Variants in CNTLN observed in about 807,000 individuals in gnomAD.
CNTLN encodes centlein, centrosomal protein.
A neutral mutation model predicts 180.0 loss-of-function variants in CNTLN; 212 were observed. The ratio of observed to expected loss-of-function variants is 1.18; its 90% CI spans 1.05 to 1.32. The LOEUF (loss-of-function observed/expected upper bound fraction) is 1.32. CNTLN is among the 40% of genes most tolerant of loss of function. The pLI, the probability that CNTLN is intolerant of heterozygous loss-of-function variation, is 0.00. For missense variants in CNTLN, 2,095 were observed against 1,610.9 expected, an observed-to-expected ratio of 1.30 and a Z score of -5.14; for synonymous variants, 722 against 563.1, an observed-to-expected ratio of 1.28 and a Z score of -3.99.
intron 18 of CNTLN, among the ~76,000 whole-genome samples, chr9:17,430,729 A>C (rs1829367935): frequency 6.6e-6 from 1 of 152,118 alleles, no homozygotes; most frequent in African/African-American, 2.4e-5. Flanking sequence ...AGCCTCTGGT[A>C]ACCACCATTC....
chr9:17,360,043 CT>C (rs950153101), intron 12 of CNTLN, among the ~76,000 whole-genome samples: 3 of 152,010 alleles, frequency 2.0e-5, no homozygotes, highest in Non-Finnish European at 4.4e-5. Context: ...ATGGATATTT[CT>C]TTTTTTCCAA....
intron 23 of CNTLN, among the ~76,000 whole-genome samples, chr9:17,470,700 C>A (rs533920778): frequency 1.4e-4 from 21 of 151,974 alleles, no homozygotes; most frequent in African/African-American, 4.1e-4. Context: ...TTGACTCAGC[C>A]CTGATACAGG....
Position 17,340,919 on chromosome 9 carries a change from A to G in CNTLN, c.1737A>G (p.Gln579=). 1.2e-6 allele frequency: 2 copies of G among 1,611,442 alleles called. No individual in the cohort carries two copies. Among genetic ancestry groups the G allele is most frequent in the South Asian group, 1.1e-5 (1 of 90,686 alleles). ...CCAACTACAGAGCAGTAAAAGAGCA[A>G]TTAAAACAGTGGGAAGAAGGCAGTG... is the stretch of plus-strand genomic sequence containing the variant. The part of the protein sequence containing the change: ...LQTNYRAVKE[Q]LKQWEEGSGM... The change falls in exon 11 of 26, where the codon CAA becomes CAG. Residue 579 remains glutamine (Q), a synonymous_variant. Coordinates refer to ENST00000380647, the MANE Select transcript of CNTLN (RefSeq NM_017738.4).
At chr9:17,339,049 C>T (rs1475530778) in intron 10 of CNTLN, among the ~76,000 whole-genome samples, 3 of 152,158 alleles carry the variant, frequency 2.0e-5, no homozygotes, top group African/African-American at 7.2e-5. Flanking sequence ...TCTAAAACTA[C>T]TTAGGAAACA....
At chr9:17,337,607 G>A (rs918558500) in intron 10 of CNTLN, among the ~76,000 whole-genome samples, 1 of 152,104 alleles carries the variant, frequency 6.6e-6, no homozygotes, top group African/African-American at 2.4e-5. Flanking sequence ...AATGACATAT[G>A]GAGCTCAGGA....
chr9:17,314,317 A>T (rs550213479), intron 8 of CNTLN, among the ~76,000 whole-genome samples: 2 of 152,088 alleles, frequency 1.3e-5, no homozygotes, highest in Non-Finnish European at 2.9e-5. Context: ...ACTTGGAATT[A>T]TATGGTGTAT....
At chr9:17,250,831 T>C (rs1026379885) in intron 5 of CNTLN, among the ~76,000 whole-genome samples, 1 of 152,096 alleles carries the variant, frequency 6.6e-6, no homozygotes, top group African/African-American at 2.4e-5. Context: ...TGCTCACCTA[T>C]TTACCTTTAC....
chr9:17,496,090 A>G (rs1380720678), intron 25 of CNTLN, among the ~76,000 whole-genome samples: 1 of 152,126 alleles, frequency 6.6e-6, no homozygotes, highest in Non-Finnish European at 1.5e-5. Context: ...GAGTGCTTTC[A>G]TTGAGGAGGT....
chr9:17,340,844 G>A lies in CNTLN; in HGVS notation c.1662G>A (p.Glu554=). ...TTCTACAGAGCCAAGAAAATGATGA[G>A]CTAAGAGATGCCCATGAAAAACGCA... is the stretch of plus-strand genomic sequence containing the variant. ...ALQLKSQEND[E]LRDAHEKRKE... The change falls in exon 11 of 26, where the codon GAG becomes GAA. Residue 554 remains glutamate, a synonymous_variant. Transcript: ENST00000380647. 1 of 1,610,836 alleles carries A rather than the reference G, an allele frequency of 6.2e-7. No individual in the cohort carries two copies. Among genetic ancestry groups the A allele is most frequent in the South Asian group, 1.1e-5 (1 of 90,678 alleles).
intron 2 of CNTLN, among the ~76,000 whole-genome samples, chr9:17,147,176 T>C (rs975165584): frequency 2.0e-5 from 3 of 152,204 alleles, no homozygotes; most frequent in African/African-American, 7.2e-5. Flanking sequence ...CAGGCTTTCC[T>C]GAAAGGTGTG....
chr9:17,166,242 TATAAC>T (rs1820061962), intron 2 of CNTLN, among the ~76,000 whole-genome samples: 1 of 151,990 alleles, frequency 6.6e-6, no homozygotes, highest in South Asian at 2.1e-4. Context: ...ATTAAATAAA[TATAAC>T]AATAAATGAT....
In CNTLN at chr9:17,492,854, G is replaced by C. The variant is rs558359604; in HGVS notation, c.4119+5788G>C. Among the ~76,000 whole-genome samples, 29 of 152,258 alleles carry C rather than the reference G, an allele frequency of 1.9e-4. No homozygotes were observed. The Middle Eastern group carries it at 0.01, about 54-fold the overall frequency. ...ATGATCCAAATGCCCACCGATGAAT[G>C]AATGGATAAACAAAATGTGGTTTAT... On this transcript the variant is annotated intron_variant, in intron 25 of 25. Transcript: ENST00000380647.
chr9:17,211,375 G>C (rs1257767652), intron 2 of CNTLN, among the ~76,000 whole-genome samples: 1 of 152,110 alleles, frequency 6.6e-6, no homozygotes, highest in African/African-American at 2.4e-5. Context: ...TAGATGTGTG[G>C]TATTATTTCT....
intron 2 of CNTLN, among the ~76,000 whole-genome samples, chr9:17,170,839 A>G (rs544940477): frequency 1.3e-5 from 2 of 152,258 alleles, no homozygotes; most frequent in African/African-American, 4.8e-5. Flanking sequence ...CCATAAGATT[A>G]TAATACCGTA....
chr9:17,467,975 G>C (rs1386669488), intron 23 of CNTLN, among the ~76,000 whole-genome samples: 1 of 151,686 alleles, frequency 6.6e-6, no homozygotes, highest in Non-Finnish European at 1.5e-5. Flanking sequence ...CAATAGCAAA[G>C]ATATGGAAGC....
At chr9:17,330,599 G>A (rs780984755) in intron 8 of CNTLN, 33 bp from the exon 9 acceptor site, 11 of 1,152,050 alleles carry the variant, frequency 9.5e-6, no homozygotes, top group Non-Finnish European at 1.1e-5. Context: ...TACAAACATA[G>A]ATATCTATTT....
chr9:17,305,213 T>G (rs1818626117), intron 7 of CNTLN, among the ~76,000 whole-genome samples: 1 of 152,154 alleles, frequency 6.6e-6, no homozygotes, highest in Non-Finnish European at 1.5e-5. Context: ...TTCACTTAAT[T>G]TCTTCAACAG....
At chr9:17,412,262 CA>C (rs1827903924) in intron 16 of CNTLN, among the ~76,000 whole-genome samples, 1 of 152,118 alleles carries the variant, frequency 6.6e-6, no homozygotes, top group Admixed American at 6.5e-5. Context: ...AGATGAGTCC[CA>C]TTCAAATGAG....
intron 3 of CNTLN, among the ~76,000 whole-genome samples, chr9:17,234,091 G>A (rs1485296369): frequency 6.6e-6 from 1 of 151,994 alleles, no homozygotes; most frequent in African/African-American, 2.4e-5. Context: ...ATTTTTGTAT[G>A]TATTCAGCGT....
Sources: allele counts gnomAD v4.1 joint callset (sites outside exome capture counted in the v4.1 genomes callset), GRCh38; gene constraint gnomAD v4.1.1; transcripts MANE v1.5; gene names NCBI Gene and HGNC (gene_info 2026-07-23, HGNC 2026-07-21).